The following ITGAM variants were observed in gnomAD, a reference collection of about 807,000 sequenced individuals.
The protein encoded by ITGAM is integrin subunit alpha M, also known as integrin alpha-M.
A neutral mutation model predicts 137.5 loss-of-function variants in ITGAM; 79 were observed. The observed-to-expected ratio is 0.57, with a 90% CI of 0.48 to 0.69. ITGAM has a LOEUF of 0.69. ITGAM is among the 30% of genes least tolerant of loss of function. The pLI is 0.00. For synonymous variants in ITGAM, 583 were observed against 592.3 expected, an observed-to-expected ratio of 0.98 and a Z score of 0.23; for missense variants, 1,343 against 1,483.5, an observed-to-expected ratio of 0.91 and a Z score of 1.56.
intron 12 of ITGAM, among the ~76,000 whole-genome samples, chr16:31,297,114 T>C (rs1019011139): frequency 5.3e-5 from 8 of 152,130 alleles, no homozygotes; most frequent in Non-Finnish European, 1.2e-4. Context: ...AAATCCTCAC[T>C]CACTGCCCAT....
chr16:31,272,033 A>C, intron 7 of ITGAM, 41 bp downstream of exon 7: 1 of 1,612,698 alleles, frequency 6.2e-7, no homozygotes, highest in Non-Finnish European at 8.5e-7. Context: ...GGAGGAGGAG[A>C]CACTTTTAGC....
chr16:31,305,233 T>C (rs181985814), intron 14 of ITGAM, among the ~76,000 whole-genome samples: 46 of 152,268 alleles, frequency 3.0e-4, no homozygotes, highest in Non-Finnish European at 5.9e-4. Flanking sequence ...ATAAAAGGGG[T>C]TGAGTTCTTG....
At chr16:31,304,575 A>G (rs2080247392) in intron 14 of ITGAM, among the ~76,000 whole-genome samples, 1 of 151,972 alleles carries the variant, frequency 6.6e-6, no homozygotes, top group African/African-American at 2.4e-5. Context: ...TATCTTGTAG[A>G]ATTGTTATGG....
chr16:31,330,010 C>T, intron 25 of ITGAM, 71 bp from the exon 26 acceptor site: 1 of 1,550,578 alleles, frequency 6.4e-7, no homozygotes, highest in Non-Finnish European at 8.8e-7. Context: ...TGGACCCAGG[C>T]CATCTCACCT....
intron 1 of ITGAM, among the ~76,000 whole-genome samples, chr16:31,260,854 A>C (rs1159743278): frequency 6.6e-6 from 1 of 152,204 alleles, no homozygotes; most frequent in Non-Finnish European, 1.5e-5. Context: ...CTGATAATCG[A>C]TTTGATGATA....
chr16:31,330,009 G>A, intron 25 of ITGAM, 72 bp from the exon 26 acceptor site: 1 of 1,554,610 alleles, frequency 6.4e-7, no homozygotes, highest in East Asian at 2.3e-5. Context: ...CTGGACCCAG[G>A]CCATCTCACC....
rs2079680744 is a variant in ITGAM, at chr16:31,259,999, T to G, written c.-66T>G. 2 of 1,401,280 alleles carry G rather than the reference T, an allele frequency of 1.4e-6. No homozygotes were observed. The highest frequency in any genetic ancestry group is 2.5e-5 in the South Asian group (2 of 81,458). 86.8% of individuals were successfully genotyped at this position (1,401,280 alleles called of 1,614,324 possible). ...CCCTTCTTTGCTTTGGTGGCTTCCT[T>G]GTGGTTCCTCAGTGGTGCCTGCAAC... On this transcript the variant is annotated 5_prime_UTR_variant, in exon 1 of 30. Transcript: ENST00000544665.
chr16:31,292,124 C>A (rs1287443076), intron 12 of ITGAM, among the ~76,000 whole-genome samples: 1 of 151,464 alleles, frequency 6.6e-6, no homozygotes, highest in Admixed American at 6.6e-5. Context: ...AGAATTTAGC[C>A]AATTCTAAAA....
chr16:31,265,788 C>T (rs751196923), intron 3 of ITGAM, 23 bp from the exon 4 acceptor site: 2 of 1,610,462 alleles, frequency 1.2e-6, no homozygotes, highest in South Asian at 1.1e-5. Flanking sequence ...CCAGGGTGAC[C>T]ATGCCCATAT....
At chr16:31,301,102 GT>G (rs1249178136) in intron 14 of ITGAM, among the ~76,000 whole-genome samples, 1 of 152,154 alleles carries the variant, frequency 6.6e-6, no homozygotes, top group Non-Finnish European at 1.5e-5. Context: ...GTCAGGCTTA[GT>G]TATTTTTGTC....
At chr16:31,311,362 AG>A (rs2080328679) in intron 14 of ITGAM, among the ~76,000 whole-genome samples, 1 of 152,252 alleles carries the variant, frequency 6.6e-6, no homozygotes, top group South Asian at 2.1e-4. Context: ...ACTGAATGGG[AG>A]AAAATTTTTG....
intron 12 of ITGAM, among the ~76,000 whole-genome samples, chr16:31,289,074 A>G (rs2080059473): frequency 6.6e-6 from 1 of 152,224 alleles, no homozygotes; most frequent in Non-Finnish European, 1.5e-5. Flanking sequence ...CACACCAGTT[A>G]GAATGGTGAT....
chr16:31,286,686 TA>T (rs1205851190), intron 12 of ITGAM, among the ~76,000 whole-genome samples: 1 of 152,210 alleles, frequency 6.6e-6, no homozygotes, highest in African/African-American at 2.4e-5. Flanking sequence ...ACCCACTTTT[TA>T]ATGGGGTTAT....
rs977227697 is a variant in ITGAM, at chr16:31,330,588, G to A, written c.3259G>A (p.Ala1087Thr). 6.2e-7 allele frequency: 1 copy of A among 1,610,058 alleles called. No homozygotes were observed. Among genetic ancestry groups the A allele is most frequent in the African/African-American group, 1.3e-5 (1 of 74,886 alleles). The change falls in exon 28 of 30, where the codon GCG becomes ACG. Residue 1087 changes from alanine (A) to threonine (T), a missense_variant. Coordinates refer to ENST00000544665, the MANE Select transcript of ITGAM (RefSeq NM_000632.4). Reference sequence around the variant, plus strand: ...GTTCACCCTGCTGCCGGGACAGGGGGCGTTTGTGAGGTCCCAGGTACCTGT... The same window carrying A: ...GTTCACCCTGCTGCCGGGACAGGGGACGTTTGTGAGGTCCCAGGTACCTGT... ...SVFTLLPGQG[A>T]FVRSQTETKV... is the part of the protein sequence containing the mutation.
chr16:31,277,147 T>G (rs1314601082), intron 11 of ITGAM, 98 bp downstream of exon 11: 10 of 1,042,222 alleles, frequency 9.6e-6, no homozygotes, highest in Non-Finnish European at 1.4e-5. Flanking sequence ...GGGATACATA[T>G]GTATGGGATA....
intron 12 of ITGAM, among the ~76,000 whole-genome samples, chr16:31,288,470 T>C (rs2080051900): frequency 6.6e-6 from 1 of 152,202 alleles, no homozygotes; most frequent in Non-Finnish European, 1.5e-5. Flanking sequence ...TACAACCATC[T>C]GATCTTTGAC....
chr16:31,298,843 A>G (rs1014050423), intron 14 of ITGAM, among the ~76,000 whole-genome samples: 2 of 152,176 alleles, frequency 1.3e-5, no homozygotes, highest in Admixed American at 6.5e-5. Context: ...CTTGCAAAGC[A>G]TGGAGCCCAT....
intron 9 of ITGAM, 138 bp downstream of exon 9, chr16:31,275,837 G>A: frequency 2.6e-6 from 2 of 763,164 alleles, no homozygotes; most frequent in Non-Finnish European, 4.1e-6. Flanking sequence ...ACAGCTCCCA[G>A]TCCCAGCCTC....
intron 1 of ITGAM, among the ~76,000 whole-genome samples, 175 bp downstream of exon 1, chr16:31,260,267 G>C (rs2079684330): frequency 6.6e-6 from 1 of 152,152 alleles, no homozygotes; most frequent in Non-Finnish European, 1.5e-5. Context: ...AGACAGGCTG[G>C]CCAGGGAAGC....
Sources: gnomAD v4.1 joint callset for allele counts (sites outside exome capture counted in the v4.1 genomes callset) on GRCh38, gnomAD v4.1.1 for gene constraint, MANE v1.5 for transcripts, NCBI Gene and HGNC (gene_info 2026-07-23, HGNC 2026-07-21) for gene names.